Variants in ZNF679 observed in about 807,000 individuals in gnomAD.
ZNF679 encodes zinc finger protein 679.
Under a neutral mutation model 13.4 loss-of-function variants are expected in ZNF679, and 10 were observed. The ratio of observed to expected loss-of-function variants is 0.75; its 90% CI spans 0.46 to 1.27. ZNF679 has a LOEUF of 1.27. Among genes scored for constraint, ZNF679 ranks in the 50% most tolerant of loss-of-function variants. The probability of loss-of-function intolerance (pLI) is 0.00; values close to 1 mark genes in which losing one functional copy is unlikely to be tolerated. For missense variants in ZNF679, 525 were observed against 477.8 expected (o/e 1.10, Z -0.92); for synonymous variants, 179 against 162.5 (o/e 1.10, Z -0.77).
intron 2 of ZNF679, among the ~76,000 whole-genome samples, chr7:64,258,762 C>T (rs1290616794): frequency 6.6e-6 from 1 of 150,954 alleles, no homozygotes; most frequent in Non-Finnish European, 1.5e-5. Flanking sequence ...TCGGAACATG[C>T]ATATGTTTAC....
chr7:64,230,747 G>A, intron 1 of ZNF679, among the ~76,000 whole-genome samples: 1 of 152,154 alleles, frequency 6.6e-6, no homozygotes, highest in Admixed American at 6.5e-5. Context: ...CCCAACACCA[G>A]GTATGGGAGT....
chr7:64,247,044 C>T (rs1787879021), intron 1 of ZNF679, among the ~76,000 whole-genome samples: 1 of 152,136 alleles, frequency 6.6e-6, no homozygotes, highest in African/African-American at 2.4e-5. Context: ...CTGATGTTGC[C>T]ATGGCATTCG....
rs113294862 is a variant in ZNF679, at chr7:64,231,137, A to T, written c.-91+2485A>T. 5.8e-3 allele frequency among the ~76,000 whole-genome samples: 890 copies of T among 152,306 alleles called. 14 individuals are homozygous for T. The highest frequency in any genetic ancestry group is 0.02 in the African/African-American group (847 of 41,562). ...TATAAAATATGCATATGAGTGTTGTAATCTCTGACCTTACTACAAGTAAAA... is the reference window on the plus strand; with the variant it reads ...TATAAAATATGCATATGAGTGTTGTTATCTCTGACCTTACTACAAGTAAAA... On this transcript the variant is annotated intron_variant, in intron 1 of 4. Transcript: ENST00000421025.
chr7:64,239,213 G>A (rs1355070233), intron 1 of ZNF679, among the ~76,000 whole-genome samples: 1 of 152,182 alleles, frequency 6.6e-6, no homozygotes, highest in Non-Finnish European at 1.5e-5. Context: ...TACGGATCCA[G>A]TCCACAGGTG....
chr7:64,230,738 C>T (rs879427223), intron 1 of ZNF679, among the ~76,000 whole-genome samples: 10 of 152,080 alleles, frequency 6.6e-5, no homozygotes, highest in Non-Finnish European at 8.8e-5. Context: ...CACATTGGTC[C>T]CAACACCAGG....
At chr7:64,250,112 G>A (rs994300805) in intron 2 of ZNF679, among the ~76,000 whole-genome samples, 1 of 151,936 alleles carries the variant, frequency 6.6e-6, no homozygotes, top group Non-Finnish European at 1.5e-5. Context: ...AAAGTGCTGG[G>A]ATTACAGGCA....
intron 1 of ZNF679, among the ~76,000 whole-genome samples, chr7:64,239,185 G>A (rs1217577977): frequency 1.3e-5 from 2 of 152,152 alleles, no homozygotes; most frequent in Non-Finnish European, 2.9e-5. Context: ...GTTAAGAGTT[G>A]TAATTGTGAC....
At chr7:64,254,244 C>T (rs1197396086) in intron 2 of ZNF679, among the ~76,000 whole-genome samples, 1 of 151,864 alleles carries the variant, frequency 6.6e-6, no homozygotes, top group Non-Finnish European at 1.5e-5. Flanking sequence ...CCTGCCTTAG[C>T]CTCCCAAGTA....
At chr7:64,259,373 G>C (rs1402223022) in intron 2 of ZNF679, among the ~76,000 whole-genome samples, 1 of 152,194 alleles carries the variant, frequency 6.6e-6, no homozygotes, top group Admixed American at 6.5e-5. Flanking sequence ...AAACACAGTT[G>C]TCTTTGGATA....
At chr7:64,228,909 C>G (rs144777403) in intron 1 of ZNF679, among the ~76,000 whole-genome samples, 1 of 152,072 alleles carries the variant, frequency 6.6e-6, no homozygotes, top group Non-Finnish European at 1.5e-5. Context: ...GGAGAGTGAC[C>G]ATCCTTATTG....
chr7:64,231,844 G>T (rs956787344), intron 1 of ZNF679, among the ~76,000 whole-genome samples: 1 of 152,212 alleles, frequency 6.6e-6, no homozygotes, highest in Non-Finnish European at 1.5e-5. Context: ...TCAGGTGCTA[G>T]GCAAAGGTAG....
intron 2 of ZNF679, among the ~76,000 whole-genome samples, chr7:64,252,887 T>C (rs10949884): frequency 0.26 from 39,019 of 151,972 alleles, 5,201 homozygotes; most frequent in African/African-American, 0.3. Context: ...CCGGCTAATT[T>C]CTGTATTTTC....
intron 1 of ZNF679, among the ~76,000 whole-genome samples, chr7:64,235,786 T>TAAAGAAAGAAAG (rs1787701662): frequency 1.5e-5 from 1 of 68,636 alleles, no homozygotes; most frequent in African/African-American, 6.7e-5. Context: ...CGAAACCCCG[T>TAAAGAAAGAAAG]CAAGAAAGAA....
At chr7:64,229,671 A>T (rs546546236) in intron 1 of ZNF679, among the ~76,000 whole-genome samples, 3 of 152,280 alleles carry the variant, frequency 2.0e-5, no homozygotes, top group African/African-American at 7.2e-5. Flanking sequence ...GTGACCTTTT[A>T]TAAGGAAATG....
At chr7:64,235,823 A>G (rs1226856664) in intron 1 of ZNF679, among the ~76,000 whole-genome samples, 1 of 151,002 alleles carries the variant, frequency 6.6e-6, no homozygotes, top group Non-Finnish European at 1.5e-5. Flanking sequence ...AGAGACAGAG[A>G]GAGAGAGAAA....
Position 64,266,535 on chromosome 7 carries a change from G to A in ZNF679, c.902G>A (p.Cys301Tyr). The A allele has an allele frequency of 1.2e-6, 2 of 1,612,432 alleles. No individual in the cohort carries two copies. The highest frequency in any genetic ancestry group is 1.7e-6 in the Non-Finnish European group (2 of 1,178,748). Residue 301 changes from cysteine (C) to tyrosine (Y), a missense_variant, in exon 5 of 5, where the codon TGT (cysteine) becomes TAT (tyrosine). By Grantham distance (194) the Cys-to-Tyr change is radical. Coordinates refer to ENST00000421025, the MANE Select transcript of ZNF679 (RefSeq NM_153363.3). ...GAGAAACCATACACATGTGAAGAAT[G>A]TGGCAAAGCCTTTAGCTTATCCTCA... ...TGEKPYTCEE[C>Y]GKAFSLSSSL...
chr7:64,244,325 C>G (rs1201706704), intron 1 of ZNF679, among the ~76,000 whole-genome samples: 2 of 152,188 alleles, frequency 1.3e-5, no homozygotes, highest in East Asian at 3.9e-4. Flanking sequence ...ATTTAATTCT[C>G]TAATTACTTG....
At chr7:64,240,925 C>G (rs575172304) in intron 1 of ZNF679, among the ~76,000 whole-genome samples, 51 of 152,170 alleles carry the variant, frequency 3.4e-4, no homozygotes, top group Admixed American at 9.8e-4. Context: ...AGCACAGCCC[C>G]CAGGTGTTCT....
chr7:64,234,488 C>T (rs1787682001), intron 1 of ZNF679, among the ~76,000 whole-genome samples: 1 of 152,128 alleles, frequency 6.6e-6, no homozygotes, highest in Non-Finnish European at 1.5e-5. Context: ...AGAGCGGGTC[C>T]TAGCTAGCAG....
Sources: gnomAD v4.1 joint callset for allele counts (sites outside exome capture counted in the v4.1 genomes callset) on GRCh38, gnomAD v4.1.1 for gene constraint, MANE v1.5 for transcripts, NCBI Gene and HGNC (gene_info 2026-07-23, HGNC 2026-07-21) for gene names.